The following MTUS2 variants were observed in gnomAD, a reference collection of about 807,000 sequenced individuals.
The protein encoded by MTUS2 is microtubule associated scaffold protein 2.
MTUS2 carries 40 observed loss-of-function variants against 114.1 expected under a neutral mutation model. The observed-to-expected ratio is 0.35, with a 90% CI of 0.27 to 0.46. The LOEUF is 0.46. Among genes scored for constraint, MTUS2 ranks in the 20% least tolerant of loss-of-function variants. The pLI is 1.00. For synonymous variants in MTUS2, 688 were observed against 672.0 expected (o/e 1.02, Z -0.37); for missense variants, 1,679 against 1,705.4 (o/e 0.98, Z 0.27).
intron 5 of MTUS2, among the ~76,000 whole-genome samples, chr13:29,193,445 C>T (rs1478362806): frequency 6.6e-6 from 1 of 152,096 alleles, no homozygotes; most frequent in Non-Finnish European, 1.5e-5. Flanking sequence ...CATTCTTATA[C>T]ACCAATAACA....
At position 29,187,786 on chromosome 13, in the gene MTUS2, C is replaced by A. The variant is rs376757120; in HGVS notation, c.2644+86816C>A. Among the ~76,000 whole-genome samples the A allele has an allele frequency of 6.6e-5, 10 of 152,190 alleles. No individual in the cohort carries two copies. The East Asian group carries it at 1.9e-3, about 29-fold the overall frequency. ...ACCTGATGTCCTCATTGCCTCAGAA[C>A]ACACACCCAGTACAGAGGTCCAGAC... On this transcript the variant is annotated intron_variant, in intron 5 of 15. Coordinates refer to ENST00000612955, the MANE Select transcript of MTUS2 (RefSeq NM_001033602.4).
At chr13:28,940,959 A>G (rs1593317596) in intron 2 of MTUS2, among the ~76,000 whole-genome samples, 2 of 152,146 alleles carry the variant, frequency 1.3e-5, no homozygotes, top group Non-Finnish European at 2.9e-5. Flanking sequence ...AGCTAGGGTA[A>G]CTATACTGTT....
intron 5 of MTUS2, chr13:29,242,775 T>C (rs1188959444): frequency 6.6e-6 from 1 of 152,256 alleles, no homozygotes; most frequent in East Asian, 1.9e-4. Flanking sequence ...GCTAACATTG[T>C]TGAGTACCTA....
intron 2 of MTUS2, among the ~76,000 whole-genome samples, chr13:28,931,492 G>A (rs560633344): frequency 7.4e-4 from 113 of 152,182 alleles, no homozygotes; most frequent in Middle Eastern, 3.4e-3. Context: ...TCTCTCACCT[G>A]CCACCCTGTA....
At chr13:29,198,262 G>A (rs1301570140) in intron 5 of MTUS2, among the ~76,000 whole-genome samples, 2 of 152,190 alleles carry the variant, frequency 1.3e-5, no homozygotes, top group South Asian at 2.1e-4. Context: ...TGTAAGGAAG[G>A]GGTCTGGTTT....
intron 2 of MTUS2, among the ~76,000 whole-genome samples, chr13:28,963,282 C>T (rs1371349968): frequency 6.6e-6 from 1 of 152,080 alleles, no homozygotes; most frequent in African/African-American, 2.4e-5. Context: ...ACCCTGGAGG[C>T]GGAAGTTGCA....
At chr13:29,153,953 G>C (rs1266164750) in intron 5 of MTUS2, among the ~76,000 whole-genome samples, 2 of 152,126 alleles carry the variant, frequency 1.3e-5, no homozygotes, top group East Asian at 1.9e-4. Flanking sequence ...GAGTCGAAAG[G>C]GTATTGAGGT....
At chr13:29,053,461 A>G (rs931994840) in intron 4 of MTUS2, among the ~76,000 whole-genome samples, 24 of 152,172 alleles carry the variant, frequency 1.6e-4, no homozygotes, top group African/African-American at 5.3e-4. Flanking sequence ...GGCAAATAGG[A>G]AGGTTCCAGT....
At chr13:29,254,154 G>T (rs1029918938) in intron 5 of MTUS2, among the ~76,000 whole-genome samples, 1 of 152,174 alleles carries the variant, frequency 6.6e-6, no homozygotes, top group African/African-American at 2.4e-5. Flanking sequence ...GAGAGGGTTG[G>T]GTTGCAATTA....
chr13:29,383,317 ATATTT>A (rs1872382849), intron 8 of MTUS2, among the ~76,000 whole-genome samples: 1 of 151,066 alleles, frequency 6.6e-6, no homozygotes, highest in Non-Finnish European at 1.5e-5. Context: ...AGTAAAAATC[ATATTT>A]TAAAATAGAT....
intron 5 of MTUS2, among the ~76,000 whole-genome samples, chr13:29,171,382 A>T (rs17575628): frequency 0.016 from 2,365 of 152,258 alleles, 20 homozygotes; most frequent in South Asian, 0.031. Flanking sequence ...AGGTTGTTAC[A>T]CAGAAAGCAC....
intron 5 of MTUS2, among the ~76,000 whole-genome samples, chr13:29,127,360 G>A (rs1891563543): frequency 6.6e-6 from 1 of 152,184 alleles, no homozygotes; most frequent in Non-Finnish European, 1.5e-5. Context: ...TCACTTGGAT[G>A]TGAATCTAGA....
intron 2 of MTUS2, among the ~76,000 whole-genome samples, chr13:28,922,164 T>C (rs181372800): frequency 2.1e-4 from 32 of 152,322 alleles, no homozygotes; most frequent in Admixed American, 2.1e-3. Context: ...CCTGCTGCCA[T>C]GTGAAGATGT....
intron 2 of MTUS2, among the ~76,000 whole-genome samples, chr13:28,998,609 T>C (rs1885231801): frequency 6.6e-6 from 1 of 152,224 alleles, no homozygotes; most frequent in East Asian, 1.9e-4. Flanking sequence ...CTTTTTTCTC[T>C]AAACTTCTCT....
At chr13:29,143,757 A>G (rs1344257162) in intron 5 of MTUS2, among the ~76,000 whole-genome samples, 2 of 152,246 alleles carry the variant, frequency 1.3e-5, no homozygotes, top group Non-Finnish European at 2.9e-5. Context: ...AAAACCATAG[A>G]GAATTCTATG....
chr13:29,448,753 C>CTTTTTTT lies in MTUS2; in HGVS notation c.3184+8718_3184+8724dup, dbSNP rs71090255. Among the ~76,000 whole-genome samples the CTTTTTTT allele has an allele frequency of 5.0e-3, 581 of 115,554 alleles. 9 individuals are homozygous for CTTTTTTT. Among genetic ancestry groups the CTTTTTTT allele is most frequent in the African/African-American group, 0.019 (561 of 28,822 alleles). The allele number at this position is 115,554 out of a possible 152,430, so 75.8% of individuals were successfully genotyped here. On this transcript the variant is annotated intron_variant, in intron 9 of 15. Coordinates refer to ENST00000612955, the MANE Select transcript of MTUS2 (RefSeq NM_001033602.4). ...AAATACAGTTGAAAAACAGAGTGCT[C>CTTTTTTT]TTTTTTTTTTTTTTTTTTTTAAGAT...
At chr13:29,495,098 C>T (rs935881362) in intron 12 of MTUS2, among the ~76,000 whole-genome samples, 1 of 148,370 alleles carries the variant, frequency 6.7e-6, no homozygotes, top group African/African-American at 2.5e-5. Context: ...GCAGGAGAAT[C>T]GCTTGAACCC....
At chr13:29,007,592 C>A (rs1885655375) in intron 2 of MTUS2, among the ~76,000 whole-genome samples, 1 of 152,232 alleles carries the variant, frequency 6.6e-6, no homozygotes, top group Non-Finnish European at 1.5e-5. Context: ...GCCTCCGCCA[C>A]TCCTGAGACA....
intron 2 of MTUS2, among the ~76,000 whole-genome samples, chr13:28,997,197 G>T (rs924998382): frequency 1.3e-5 from 2 of 152,188 alleles, no homozygotes; most frequent in African/African-American, 4.8e-5. Flanking sequence ...CCATGTAGTT[G>T]AGCAGTTTTG....
Sources: allele counts gnomAD v4.1 joint callset (sites outside exome capture counted in the v4.1 genomes callset), GRCh38; gene constraint gnomAD v4.1.1; transcripts MANE v1.5; gene names NCBI Gene and HGNC (gene_info 2026-07-23, HGNC 2026-07-21).